The following TCF4 variants were observed in gnomAD, a reference collection of about 807,000 sequenced individuals.
TCF4 encodes transcription factor 4.
TCF4 carries 3 observed loss-of-function variants against 82.1 expected under a neutral mutation model. That is an observed-to-expected ratio of 0.04 (90% CI 0.02 to 0.09). TCF4 has a LOEUF of 0.09. Among genes scored for constraint, TCF4 ranks in the 10% least tolerant of loss-of-function variants. The probability of loss-of-function intolerance (pLI) is 1.00; values close to 1 mark genes in which losing one functional copy is unlikely to be tolerated. For missense variants in TCF4, 518 were observed against 852.7 expected (o/e 0.61, Z 4.89); for synonymous variants, 276 against 309.6 (o/e 0.89, Z 1.14).
At chr18:55,577,299 C>T (rs1239782274) in intron 3 of TCF4, among the ~76,000 whole-genome samples, 2 of 147,128 alleles carry the variant, frequency 1.4e-5, no homozygotes, top group African/African-American at 5.0e-5. Context: ...TATGATGATC[C>T]ATCAATCAGA....
intron 3 of TCF4, among the ~76,000 whole-genome samples, chr18:55,577,185 TGTATATATACATTTATATATTTATATAA>T (rs1357807493): frequency 0.011 from 1,275 of 113,198 alleles, 85 homozygotes; most frequent in African/African-American, 0.035. Context: ...TATTTATAAA[TGTATATATACATTTATATATTTATATAA>T]ATGTATATAT....
chr18:55,332,688 G>A (rs1266365521), intron 8 of TCF4, among the ~76,000 whole-genome samples: 3 of 152,200 alleles, frequency 2.0e-5, no homozygotes, highest in Admixed American at 2.0e-4. Context: ...AGGAGGCGTG[G>A]CACTTAGTAG....
chr18:55,405,314 CTTGT>C (rs2094031735), intron 5 of TCF4, among the ~76,000 whole-genome samples: 1 of 152,138 alleles, frequency 6.6e-6, no homozygotes, highest in Non-Finnish European at 1.5e-5. Context: ...GTAATATTCA[CTTGT>C]TTAACAGGTA....
chr18:55,321,499 G>T, intron 8 of TCF4: 1 of 975,904 alleles, frequency 1.0e-6, no homozygotes, highest in South Asian at 1.5e-5. Context: ...CGAAGGAGAA[G>T]AAGTAGGCAA....
At chr18:55,346,807 C>T (rs2081280025) in intron 8 of TCF4, among the ~76,000 whole-genome samples, 2 of 152,060 alleles carry the variant, frequency 1.3e-5, no homozygotes, top group Admixed American at 1.3e-4. Flanking sequence ...AAAGATAATG[C>T]CTTTGCTTTG....
chr18:55,521,697 G>A (rs2096934920), intron 3 of TCF4, among the ~76,000 whole-genome samples: 2 of 152,190 alleles, frequency 1.3e-5, no homozygotes, highest in Non-Finnish European at 2.9e-5. Context: ...GATAGAGTAT[G>A]ACATACACAG....
chr18:55,321,683 T>C (rs1478271220), intron 8 of TCF4: 4 of 1,536,056 alleles, frequency 2.6e-6, no homozygotes, highest in Non-Finnish European at 3.5e-6. Context: ...TTTCCCATTA[T>C]AGTAGTACAT....
chr18:55,268,704 C>A (rs2059716871), intron 11 of TCF4: 1 of 152,104 alleles, frequency 6.6e-6, no homozygotes, highest in South Asian at 2.1e-4. Context: ...CAAAAACTTT[C>A]CTACATAAGT....
chr18:55,560,109 T>C (rs959981024), intron 3 of TCF4, among the ~76,000 whole-genome samples: 2 of 152,178 alleles, frequency 1.3e-5, no homozygotes, highest in African/African-American at 4.8e-5. Context: ...CTGTTTTATA[T>C]AGAAAATATG....
chr18:55,624,548 C>G (rs1260332340), intron 2 of TCF4, among the ~76,000 whole-genome samples: 1 of 148,400 alleles, frequency 6.7e-6, no homozygotes, highest in Non-Finnish European at 1.5e-5. Context: ...TCAAAGTCAC[C>G]AGGGAGAAGT....
intron 15 of TCF4, among the ~76,000 whole-genome samples, chr18:55,238,217 AAT>A (rs1486748753): frequency 6.6e-6 from 1 of 152,268 alleles, no homozygotes; most frequent in East Asian, 1.9e-4. Context: ...TAGAGATAAC[AAT>A]AGTCTAAAGT....
At chr18:55,463,487 A>G (rs2095917634) in intron 4 of TCF4, among the ~76,000 whole-genome samples, 1 of 152,182 alleles carries the variant, frequency 6.6e-6, no homozygotes, top group Non-Finnish European at 1.5e-5. Context: ...ATGTAGGAAA[A>G]CTGTGGAGAA....
At chr18:55,315,388 A>C (rs2073870540) in intron 8 of TCF4, among the ~76,000 whole-genome samples, 1 of 152,220 alleles carries the variant, frequency 6.6e-6, no homozygotes, top group African/African-American at 2.4e-5. Context: ...CTAGGTAAAC[A>C]GAAGCAACAC....
Position 55,228,023 on chromosome 18 carries a change from A to G in TCF4, c.*12T>C. 4.8e-6 allele frequency: 3 copies of G among 619,632 alleles called. No homozygotes were observed. Among genetic ancestry groups the G allele is most frequent in the Non-Finnish European group, 8.1e-6 (3 of 370,596 alleles). 38.4% of individuals were successfully genotyped at this position (619,632 alleles called of 1,614,324 possible). A position where few individuals can be genotyped will look rare whatever the true frequency, so the allele number is the denominator to read the frequency against. On this transcript the variant is annotated 3_prime_UTR_variant, in exon 20 of 20. Transcript: ENST00000354452. ...CTTGTTTTAATGAAGCAATGTGGCA[A>G]CTTGGACCTGAGAAAGGAAAAAAGA...
At chr18:55,529,283 T>G (rs989881569) in intron 3 of TCF4, among the ~76,000 whole-genome samples, 1 of 152,202 alleles carries the variant, frequency 6.6e-6, no homozygotes. Context: ...TTGATACCAA[T>G]AAAATATTTA....
intron 3 of TCF4, among the ~76,000 whole-genome samples, chr18:55,537,904 T>C (rs2097131279): frequency 6.6e-6 from 1 of 152,104 alleles, no homozygotes; most frequent in South Asian, 2.1e-4. Flanking sequence ...AATAGATTTT[T>C]AATTCACAAG....
At chr18:55,572,025 G>A (rs2097477120) in intron 3 of TCF4, among the ~76,000 whole-genome samples, 1 of 152,152 alleles carries the variant, frequency 6.6e-6, no homozygotes, top group African/African-American at 2.4e-5. Context: ...GCAGAAACAG[G>A]ACCAAGCACT....
chr18:55,250,683 T>C (rs938332124), intron 15 of TCF4, among the ~76,000 whole-genome samples: 16 of 152,294 alleles, frequency 1.1e-4, no homozygotes, highest in Admixed American at 4.6e-4. Context: ...GGCTGCCAAC[T>C]CACACTCACA....
intron 13 of TCF4, 43 bp from the exon 14 acceptor site, chr18:55,257,434 A>G: frequency 1.9e-6 from 3 of 1,590,076 alleles, no homozygotes; most frequent in Non-Finnish European, 2.6e-6. Flanking sequence ...AGACACATGT[A>G]AAAAGACGCT....
Sources: gnomAD v4.1 joint callset for allele counts (sites outside exome capture counted in the v4.1 genomes callset) on GRCh38, gnomAD v4.1.1 for gene constraint, MANE v1.5 for transcripts, NCBI Gene and HGNC (gene_info 2026-07-23, HGNC 2026-07-21) for gene names.